Variants in PPP1R14C observed in about 807,000 individuals in gnomAD.
PPP1R14C encodes protein phosphatase 1 regulatory subunit 14C.
Under a neutral mutation model 20.4 loss-of-function variants are expected in PPP1R14C, and 16 were observed. The observed-to-expected ratio is 0.78, with a 90% CI of 0.53 to 1.19. The LOEUF is 1.19. PPP1R14C is among the 50% of genes most tolerant of loss of function. The pLI is 0.00. For synonymous variants in PPP1R14C, 91 were observed against 91.0 expected (o/e 1.00, Z 0.00); for missense variants, 211 against 220.1 (o/e 0.96, Z 0.26).
chr6:150,218,701 T>G (rs1244753467), intron 3 of PPP1R14C, among the ~76,000 whole-genome samples: 4 of 152,118 alleles, frequency 2.6e-5, no homozygotes, highest in Admixed American at 2.6e-4. Flanking sequence ...CAGGCTGGAG[T>G]GCAGTGGTGC....
rs1196803239 is a variant in PPP1R14C at position 150,201,397 on chromosome 6, C to T, written c.307-13347C>T. Among the ~76,000 whole-genome samples the T allele has an allele frequency of 6.6e-6, 1 of 152,166 alleles. No individual in the cohort carries two copies. The highest frequency in any genetic ancestry group is 2.4e-5 in the African/African-American group (1 of 41,416). ...TTTTGCTTTAGGAAGTGATGGCTGA[C>T]ACGAGATAACAAGAAGAGTGTCCTA... is the stretch of plus-strand genomic sequence containing the variant. On this transcript the variant is annotated intron_variant, in intron 1 of 3. Transcript: ENST00000361131. The surrounding 1 kb of genome is among the most constrained non-coding windows in gnomAD (Gnocchi z 4.2).
intron 1 of PPP1R14C, among the ~76,000 whole-genome samples, chr6:150,162,566 A>G (rs1777382110): frequency 6.6e-6 from 1 of 152,202 alleles, no homozygotes; most frequent in African/African-American, 2.4e-5. Context: ...CATTGTACAA[A>G]TGTACCACAG....
intron 3 of PPP1R14C, 77 bp downstream of exon 3, chr6:150,216,933 C>A: frequency 8.4e-7 from 1 of 1,197,370 alleles, no homozygotes; most frequent in Non-Finnish European, 1.2e-6. Flanking sequence ...TTAAAGCAAA[C>A]CACAATAAGT....
chr6:150,176,197 C>G (rs1457430362), intron 1 of PPP1R14C, among the ~76,000 whole-genome samples: 1 of 152,208 alleles, frequency 6.6e-6, no homozygotes, highest in Admixed American at 6.5e-5. Flanking sequence ...GCAGTAGAAC[C>G]TAGGCAGCGC....
At chr6:150,218,728 A>G (rs1051503790) in intron 3 of PPP1R14C, among the ~76,000 whole-genome samples, 2 of 152,062 alleles carry the variant, frequency 1.3e-5, no homozygotes, top group South Asian at 2.1e-4. Flanking sequence ...AACTCCCTGC[A>G]GCCTCGAACT....
At chr6:150,149,982 G>T (rs971369379) in intron 1 of PPP1R14C, among the ~76,000 whole-genome samples, 1 of 152,170 alleles carries the variant, frequency 6.6e-6, no homozygotes, top group African/African-American at 2.4e-5. Flanking sequence ...GTAACAACTT[G>T]AAGGCAAGGA....
chr6:150,210,194 A>G (rs1461699029), intron 1 of PPP1R14C, among the ~76,000 whole-genome samples: 1 of 152,022 alleles, frequency 6.6e-6, no homozygotes, highest in African/African-American at 2.4e-5. Flanking sequence ...GCTGCTTGCA[A>G]GTTGGGGCAA....
intron 1 of PPP1R14C, among the ~76,000 whole-genome samples, chr6:150,152,816 G>T (rs1777265207): frequency 6.6e-6 from 1 of 152,190 alleles, no homozygotes; most frequent in African/African-American, 2.4e-5. Context: ...GGCTGCACTT[G>T]GGTGTCTCTG....
At chr6:150,212,670 G>A (rs1458657255) in intron 1 of PPP1R14C, among the ~76,000 whole-genome samples, 1 of 152,150 alleles carries the variant, frequency 6.6e-6, no homozygotes, top group Non-Finnish European at 1.5e-5. Context: ...GTCACGAACC[G>A]CATAACAGCA....
At position 150,189,662 on chromosome 6, in the gene PPP1R14C, T is replaced by C. The variant is rs146444266; in HGVS notation, c.307-25082T>C. On this transcript the variant is annotated intron_variant, in intron 1 of 3. Transcript: ENST00000361131. ...GATGGCTAAACTCGTCATTTTGATA[T>C]TGATTGCTTTTGCTTTTCTTTCGGT... 1.7e-4 allele frequency among the ~76,000 whole-genome samples: 26 copies of C among 152,314 alleles called. No individual in the cohort carries two copies. The East Asian group carries it at 3.7e-3, about 21-fold the overall frequency.
chr6:150,218,477 C>A (rs1263228029), intron 3 of PPP1R14C, among the ~76,000 whole-genome samples: 14 of 102,548 alleles, frequency 1.4e-4, no homozygotes, highest in African/African-American at 1.7e-4. Context: ...CATCTGAACC[C>A]CCCCCCCCAA....
At chr6:150,204,897 A>G (rs1027847870) in intron 1 of PPP1R14C, among the ~76,000 whole-genome samples, 4 of 151,924 alleles carry the variant, frequency 2.6e-5, no homozygotes. Context: ...TCTGTTCACC[A>G]GACTCCCTAG....
intron 1 of PPP1R14C, among the ~76,000 whole-genome samples, chr6:150,175,940 A>G (rs1019012510): frequency 2.0e-5 from 3 of 152,166 alleles, no homozygotes; most frequent in Non-Finnish European, 4.4e-5. Context: ...AATATCTTGT[A>G]CTTCTCTCCC....
At chr6:150,193,008 G>A (rs1376719841) in intron 1 of PPP1R14C, among the ~76,000 whole-genome samples, 1 of 152,168 alleles carries the variant, frequency 6.6e-6, no homozygotes, top group Non-Finnish European at 1.5e-5. Flanking sequence ...GGAATATTCT[G>A]AGTGATCAGT....
At chr6:150,236,540 G>A (rs1030451682) in intron 3 of PPP1R14C, among the ~76,000 whole-genome samples, 5 of 150,430 alleles carry the variant, frequency 3.3e-5, no homozygotes, top group African/African-American at 1.3e-4. Flanking sequence ...GTGTGACAGC[G>A]GCCACATCCA....
At chr6:150,206,082 T>C (rs543249766) in intron 1 of PPP1R14C, among the ~76,000 whole-genome samples, 32 of 152,230 alleles carry the variant, frequency 2.1e-4, no homozygotes, top group African/African-American at 7.7e-4. Context: ...CCAACTCTGA[T>C]ACAGTGACCC....
At chr6:150,198,906 T>C (rs1283678622) in intron 1 of PPP1R14C, among the ~76,000 whole-genome samples, 2 of 152,120 alleles carry the variant, frequency 1.3e-5, no homozygotes, top group Non-Finnish European at 2.9e-5. Flanking sequence ...CTGCCTGCAG[T>C]AGGGGTAACA....
At chr6:150,238,958 T>C (rs1203001757) in intron 3 of PPP1R14C, among the ~76,000 whole-genome samples, 3 of 152,146 alleles carry the variant, frequency 2.0e-5, no homozygotes, top group Non-Finnish European at 4.4e-5. Context: ...CTTTTTTTTT[T>C]GGCGGTCGAG....
At chr6:150,234,333 G>A (rs1014594405) in intron 3 of PPP1R14C, among the ~76,000 whole-genome samples, 11 of 151,906 alleles carry the variant, frequency 7.2e-5, no homozygotes, top group African/African-American at 1.2e-4. Context: ...GGAGGGGGGC[G>A]GTTTAGAAAA....
Sources: allele counts gnomAD v4.1 joint callset (sites outside exome capture counted in the v4.1 genomes callset), GRCh38; gene constraint gnomAD v4.1.1; non-coding constraint Gnocchi (gnomAD v3.1); transcripts MANE v1.5; gene names NCBI Gene and HGNC (gene_info 2026-07-23, HGNC 2026-07-21).